Variants in SCAPER observed in about 807,000 individuals in gnomAD.
SCAPER encodes the protein S-phase cyclin A associated protein in the ER, also known as S phase cyclin A-associated protein in the endoplasmic reticulum.
Under a neutral mutation model 182.2 loss-of-function variants are expected in SCAPER, and 98 were observed. The observed-to-expected ratio is 0.54, with a 90% CI of 0.46 to 0.64. The LOEUF (loss-of-function observed/expected upper bound fraction) is 0.64, where lower values mean the gene tolerates loss of function less well. Among genes scored for constraint, SCAPER ranks in the 30% least tolerant of loss-of-function variants. The pLI, the probability that SCAPER is intolerant of heterozygous loss-of-function variation, is 0.00. For synonymous variants in SCAPER, 605 were observed against 564.6 expected, an observed-to-expected ratio of 1.07 and a Z score of -1.01; for missense variants, 1,432 against 1,690.0, an observed-to-expected ratio of 0.85 and a Z score of 2.68.
intron 21 of SCAPER, among the ~76,000 whole-genome samples, chr15:76,646,561 C>T (rs570341329): frequency 6.6e-6 from 1 of 152,308 alleles, no homozygotes; most frequent in South Asian, 2.1e-4. Context: ...CTTCATCCTT[C>T]TGTACAAAAA....
chr15:76,590,454 A>C (rs1299409520), intron 22 of SCAPER, among the ~76,000 whole-genome samples: 1 of 152,222 alleles, frequency 6.6e-6, no homozygotes, highest in East Asian at 1.9e-4. Flanking sequence ...ATCAGAATGC[A>C]CATAGACTTT....
At chr15:76,764,823 A>C (rs2063016360) in intron 14 of SCAPER, 138 bp downstream of exon 14, 3 of 572,934 alleles carry the variant, frequency 5.2e-6, no homozygotes, top group Non-Finnish European at 9.0e-6. Flanking sequence ...CTTGGATTCA[A>C]TAGATTAAAA....
At chr15:76,759,173 T>A (rs1392213271) in intron 14 of SCAPER, among the ~76,000 whole-genome samples, 1 of 152,196 alleles carries the variant, frequency 6.6e-6, no homozygotes, top group Non-Finnish European at 1.5e-5. Context: ...GCTTTCAGTT[T>A]TTCCCAATTA....
intron 27 of SCAPER, among the ~76,000 whole-genome samples, chr15:76,403,643 G>A (rs2044622750): frequency 6.6e-6 from 1 of 152,170 alleles, no homozygotes; most frequent in African/African-American, 2.4e-5. Flanking sequence ...TAGAAGCTTA[G>A]ACTGGACAAA....
chr15:76,817,476 T>G (rs945235313), intron 5 of SCAPER, among the ~76,000 whole-genome samples: 2 of 152,184 alleles, frequency 1.3e-5, no homozygotes, highest in African/African-American at 4.8e-5. Context: ...TTACGTAGGA[T>G]GAACAGGTCT....
At chr15:76,668,124 C>T (rs956875205) in intron 20 of SCAPER, among the ~76,000 whole-genome samples, 2 of 152,174 alleles carry the variant, frequency 1.3e-5, no homozygotes, top group African/African-American at 4.8e-5. Flanking sequence ...ACGGTACCAT[C>T]ATTTGCATAA....
intron 22 of SCAPER, among the ~76,000 whole-genome samples, chr15:76,600,362 T>C (rs1344069281): frequency 8.8e-6 from 1 of 114,190 alleles, no homozygotes; most frequent in East Asian, 2.3e-4. Context: ...AATAGAAAAA[T>C]AGCATACTTG....
intron 29 of SCAPER, among the ~76,000 whole-genome samples, chr15:76,370,940 T>C (rs1053150522): frequency 2.0e-5 from 3 of 152,204 alleles, no homozygotes; most frequent in Non-Finnish European, 4.4e-5. Context: ...TGTACTGTCT[T>C]GGTGAACCCG....
intron 3 of SCAPER, among the ~76,000 whole-genome samples, chr15:76,858,342 T>G (rs1262988723): frequency 1.3e-5 from 2 of 152,230 alleles, no homozygotes; most frequent in African/African-American, 4.8e-5. Context: ...ACAATTTCAC[T>G]GCGAAAAGTG....
At chr15:76,615,426 C>A (rs1311556092) in intron 22 of SCAPER, among the ~76,000 whole-genome samples, 1 of 149,570 alleles carries the variant, frequency 6.7e-6, no homozygotes, top group Non-Finnish European at 1.5e-5. Flanking sequence ...AGCTTGGCAA[C>A]AGAGCAAGAG....
chr15:76,680,417 A>AATG (rs2057631512), intron 20 of SCAPER, among the ~76,000 whole-genome samples: 1 of 36,684 alleles, frequency 2.7e-5, no homozygotes, highest in African/African-American at 7.2e-5. Flanking sequence ...TGATGATAAT[A>AATG]ATAATAATAA....
intron 25 of SCAPER, among the ~76,000 whole-genome samples, chr15:76,439,290 GC>G (rs1466477198): frequency 6.6e-6 from 1 of 152,070 alleles, no homozygotes; most frequent in African/African-American, 2.4e-5. Flanking sequence ...TGTTTGCCAG[GC>G]TTGTCTCAAA....
intron 25 of SCAPER, among the ~76,000 whole-genome samples, chr15:76,447,805 G>A (rs1173318724): frequency 2.6e-5 from 4 of 152,152 alleles, no homozygotes; most frequent in South Asian, 2.1e-4. Context: ...CAGGTGAAGA[G>A]GAAAAACATG....
intron 23 of SCAPER, among the ~76,000 whole-genome samples, chr15:76,507,399 T>C (rs1052052384): frequency 4.6e-5 from 7 of 152,176 alleles, no homozygotes; most frequent in African/African-American, 7.2e-5. Context: ...ACCAACCCAG[T>C]CTGTGGCACT....
intron 29 of SCAPER, among the ~76,000 whole-genome samples, chr15:76,355,878 G>A (rs1467578137): frequency 6.6e-6 from 1 of 152,244 alleles, no homozygotes; most frequent in Non-Finnish European, 1.5e-5. Flanking sequence ...CAGCAGTGTA[G>A]TGAGATGACT....
At position 76,795,362 on chromosome 15, in the gene SCAPER, A is replaced by G. The variant is rs944187149; in HGVS notation, c.690T>C (p.His230=). ...VSWADKVKAH[H]TGSTASSEIT... Reference sequence around the variant, plus strand: ...TTTCTGAAGAAGCAGTAGAGCCTGTATGATGAGCCTTTACCTTGTCAGCCC... The same window carrying G: ...TTTCTGAAGAAGCAGTAGAGCCTGTGTGATGAGCCTTTACCTTGTCAGCCC... The change falls in exon 8 of 32, where the codon CAT becomes CAC. Residue 230 remains histidine, a synonymous_variant. Transcript: ENST00000563290. 12 of 1,613,320 alleles carry G rather than the reference A, an allele frequency of 7.4e-6. No homozygotes were observed. The highest frequency in any genetic ancestry group is 3.3e-4 in the Middle Eastern group (2 of 6,076).
chr15:76,560,884 T>C (rs532925939), intron 23 of SCAPER, among the ~76,000 whole-genome samples: 2 of 152,236 alleles, frequency 1.3e-5, no homozygotes, highest in African/African-American at 4.8e-5. Flanking sequence ...AAATAATGTA[T>C]TATATTAAGG....
At chr15:76,510,237 A>C (rs2041911727) in intron 23 of SCAPER, among the ~76,000 whole-genome samples, 1 of 152,216 alleles carries the variant, frequency 6.6e-6, no homozygotes, top group Non-Finnish European at 1.5e-5. Flanking sequence ...GAATTTAATT[A>C]AACTAAAGAG....
intron 8 of SCAPER, among the ~76,000 whole-genome samples, chr15:76,792,927 G>C (rs2065091681): frequency 6.6e-6 from 1 of 152,242 alleles, no homozygotes; most frequent in Admixed American, 6.5e-5. Flanking sequence ...GATATTGGGA[G>C]TATTCAGTTG....
Sources: allele counts gnomAD v4.1 joint callset (sites outside exome capture counted in the v4.1 genomes callset), GRCh38; gene constraint gnomAD v4.1.1; transcripts MANE v1.5; gene names NCBI Gene and HGNC (gene_info 2026-07-23, HGNC 2026-07-21).